The following ROR1 variants were observed in gnomAD, a reference collection of about 807,000 sequenced individuals.
ROR1 encodes ROR family WNT receptor 1, also known as inactive tyrosine-protein kinase transmembrane receptor ROR1.
ROR1 carries 19 observed loss-of-function variants against 78.8 expected under a neutral mutation model. The ratio of observed to expected loss-of-function variants is 0.24; its 90% CI spans 0.17 to 0.35. The LOEUF is 0.35. Ranked by LOEUF, ROR1 falls within the 10% of genes least tolerant of loss-of-function variation. ROR1 has a pLI of 1.00. For synonymous variants in ROR1, 386 were observed against 433.6 expected (o/e 0.89, Z 1.36); for missense variants, 917 against 1,177.8 (o/e 0.78, Z 3.24).
chr1:64,082,865 C>G (rs60795647), intron 4 of ROR1, among the ~76,000 whole-genome samples: 22,633 of 152,300 alleles, frequency 0.15, 1,776 homozygotes, highest in Middle Eastern at 0.2. Context: ...GCTCTTCTCT[C>G]TCTCCCTCTT....
chr1:63,833,946 A>G (rs866751595), intron 1 of ROR1, among the ~76,000 whole-genome samples: 7 of 149,116 alleles, frequency 4.7e-5, no homozygotes, highest in African/African-American at 1.7e-4. Flanking sequence ...AATTACATCA[A>G]TGCTTTCCGT....
At chr1:64,119,950 T>C (rs917240405) in intron 4 of ROR1, among the ~76,000 whole-genome samples, 1 of 152,110 alleles carries the variant, frequency 6.6e-6, no homozygotes, top group Admixed American at 6.6e-5. Flanking sequence ...TAAAAAGGGG[T>C]CTTCTAGAAA....
chr1:64,169,557 C>T (rs1428117074), intron 8 of ROR1, among the ~76,000 whole-genome samples: 1 of 152,152 alleles, frequency 6.6e-6, no homozygotes, highest in African/African-American at 2.4e-5. Context: ...TGGGTGGGGA[C>T]ACTGCCAAAC....
intron 1 of ROR1, among the ~76,000 whole-genome samples, chr1:63,787,493 C>CCTTCCTGA (rs1178486598): frequency 7.0e-6 from 1 of 142,856 alleles, no homozygotes. Flanking sequence ...TGCCTTCCTG[C>CCTTCCTGA]CTTCCTGACT....
In ROR1 at chr1:64,178,151, A is replaced by T. The variant is rs1324911869; in HGVS notation, c.2110A>T (p.Met704Leu). ...ATTCAGTAACCAGGAAGTGATTGAG[A>T]TGGTGAGAAAACGGCAGCTCTTACC... The part of the protein sequence containing the change: ...YGFSNQEVIE[M>L]VRKRQLLPCS... The change falls in exon 9 of 9, where the codon ATG (methionine) becomes TTG (leucine). Residue 704 changes from methionine (M) to leucine (L), a missense_variant. Around this residue, in one of 3 missense-constraint regions of ROR1, gnomAD observed 835 missense variants for 1,069.8 expected, o/e 0.78. Coordinates refer to ENST00000371079, the MANE Select transcript of ROR1 (RefSeq NM_005012.4). This position sits in a 1 kb window ranked among gnomAD's most constrained non-coding sequence, Gnocchi z 4.3. The T allele has an allele frequency of 1.2e-6, 2 of 1,614,032 alleles. No homozygotes were observed. Among genetic ancestry groups the T allele is most frequent in the African/African-American group, 2.7e-5 (2 of 74,890 alleles).
At chr1:63,954,291 A>T (rs1170167928) in intron 1 of ROR1, among the ~76,000 whole-genome samples, 3 of 152,230 alleles carry the variant, frequency 2.0e-5, no homozygotes, top group African/African-American at 4.8e-5. Context: ...GGGCACACCC[A>T]GCTCATTTGA....
At chr1:63,871,299 G>A (rs998807553) in intron 1 of ROR1, among the ~76,000 whole-genome samples, 1 of 152,180 alleles carries the variant, frequency 6.6e-6, no homozygotes, top group African/African-American at 2.4e-5. Context: ...CACAGGGGAA[G>A]AATCCAGAAG....
At chr1:64,148,547 T>C (rs1649537793) in intron 7 of ROR1, among the ~76,000 whole-genome samples, 1 of 152,218 alleles carries the variant, frequency 6.6e-6, no homozygotes, top group Non-Finnish European at 1.5e-5. Flanking sequence ...TGATAACTTT[T>C]GTTTTAGTTT....
chr1:64,121,228 T>C lies in ROR1; in HGVS notation c.483-16141T>C, dbSNP rs573728660. On this transcript the variant is annotated intron_variant, in intron 4 of 8. Transcript: ENST00000371079. ...CCTCCTCCTCCCCTGCTTTCCTCCTTTCCTCCTTCCTTCCTTCCTTCCTTC... is the reference window on the plus strand; with the variant it reads ...CCTCCTCCTCCCCTGCTTTCCTCCTCTCCTCCTTCCTTCCTTCCTTCCTTC... Among the ~76,000 whole-genome samples the C allele has an allele frequency of 8.2e-4, 84 of 102,256 alleles. 1 individual carries two copies. Among genetic ancestry groups the C allele is most frequent in the African/African-American group, 2.8e-3 (81 of 29,202 alleles). The allele number at this position is 102,256 out of a possible 152,430, so 67.1% of individuals were successfully genotyped here. A position where few individuals can be genotyped will look rare whatever the true frequency, so the allele number is the denominator to read the frequency against.
In ROR1 at chr1:63,982,179, G is replaced by C. The variant is rs1646215731; in HGVS notation, c.92-27126G>C. Among the ~76,000 whole-genome samples the C allele has an allele frequency of 3.9e-5, 6 of 152,044 alleles. No individual in the cohort carries two copies. In the South Asian group the frequency reaches 1.2e-3, roughly 32 times the overall value. On this transcript the variant is annotated intron_variant, in intron 1 of 8. Transcript: ENST00000371079. ...GGAAAGGTTAAGAAACGAGTTCAAG[G>C]TCGCCCAGCTAGAACATTGAGGAGC... is the stretch of plus-strand genomic sequence containing the variant.
chr1:63,844,662 A>C (rs1488033271), intron 1 of ROR1, among the ~76,000 whole-genome samples: 4 of 152,156 alleles, frequency 2.6e-5, no homozygotes, highest in Non-Finnish European at 4.4e-5. Context: ...GCTGGGGCTG[A>C]GGTGAGAATT....
rs1335139110 is a variant in ROR1 at position 63,981,518 on chromosome 1, A to G, written c.92-27787A>G. Among the ~76,000 whole-genome samples, 5 of 152,142 alleles carry G rather than the reference A, an allele frequency of 3.3e-5. No homozygotes were observed. In the East Asian group the frequency reaches 9.7e-4, roughly 29 times the overall value. On this transcript the variant is annotated intron_variant, in intron 1 of 8. Transcript: ENST00000371079. ...CTTGCCTGGAGAGAAAGCCTATGTT[A>G]TCTTATGAAATATCCCCTCAGGTAA...
At position 63,774,757 on chromosome 1, in the gene ROR1, A is replaced by G. The variant is rs1401091681; in HGVS notation, c.91+249A>G. On this transcript the variant is annotated intron_variant, in intron 1 of 8. Coordinates refer to ENST00000371079, the MANE Select transcript of ROR1 (RefSeq NM_005012.4). The surrounding 1 kb of genome is among the most constrained non-coding windows in gnomAD (Gnocchi z 5.7). Reference sequence around the variant, plus strand: ...AGGGACTCGTTCCTCGGTGCGCAGCAGCGATTGTCAGCGCTGACAGGAAGC... The same window carrying G: ...AGGGACTCGTTCCTCGGTGCGCAGCGGCGATTGTCAGCGCTGACAGGAAGC... Among the ~76,000 whole-genome samples, 1 of 151,774 alleles carries G rather than the reference A, an allele frequency of 6.6e-6. No homozygotes were observed. The highest frequency in any genetic ancestry group is 2.4e-5 in the African/African-American group (1 of 41,374).
chr1:63,854,837 G>T (rs1044420390), intron 1 of ROR1, among the ~76,000 whole-genome samples: 1 of 152,174 alleles, frequency 6.6e-6, no homozygotes, highest in African/African-American at 2.4e-5. Context: ...GGATGCTCAA[G>T]TCTCTGATAT....
intron 1 of ROR1, among the ~76,000 whole-genome samples, chr1:63,982,039 C>A (rs1162439940): frequency 3.3e-5 from 5 of 151,980 alleles, no homozygotes; most frequent in African/African-American, 4.8e-5. Context: ...AATACTACTA[C>A]TAATAATTGG....
chr1:63,971,000 A>G (rs577967582), intron 1 of ROR1, among the ~76,000 whole-genome samples: 46 of 152,308 alleles, frequency 3.0e-4, no homozygotes, highest in African/African-American at 1.0e-3. Flanking sequence ...AGGCATTTGC[A>G]ATTGCAGGGC....
At chr1:64,158,227 T>C (rs371617524) in intron 7 of ROR1, among the ~76,000 whole-genome samples, 8 of 152,234 alleles carry the variant, frequency 5.3e-5, no homozygotes, top group African/African-American at 1.9e-4. Context: ...CTCATAATTA[T>C]TGGGCTCATA....
chr1:63,891,883 C>T (rs1363861012), intron 1 of ROR1, among the ~76,000 whole-genome samples: 1 of 152,138 alleles, frequency 6.6e-6, no homozygotes, highest in Non-Finnish European at 1.5e-5. Flanking sequence ...TTCTGGTTCT[C>T]TCACTTGGCT....
chr1:63,893,422 AAG>A (rs1196430848), intron 1 of ROR1, among the ~76,000 whole-genome samples: 1 of 152,168 alleles, frequency 6.6e-6, no homozygotes, highest in Non-Finnish European at 1.5e-5. Context: ...GGGGTAAAAA[AAG>A]AATTCATTAA....
Sources: gnomAD v4.1 joint callset for allele counts (sites outside exome capture counted in the v4.1 genomes callset) on GRCh38, gnomAD v4.1.1 for gene constraint, gnomAD v4.1.1 regional missense constraint, Gnocchi (gnomAD v3.1) non-coding constraint, MANE v1.5 for transcripts, NCBI Gene and HGNC (gene_info 2026-07-23, HGNC 2026-07-21) for gene names.